DMD: variants seen among roughly 807,000 people sequenced by gnomAD.
The protein encoded by DMD is mutant dystrophin.
Under a neutral mutation model 330.1 loss-of-function variants are expected in DMD, and 63 were observed. The ratio of observed to expected loss-of-function variants is 0.19; its 90% confidence interval spans 0.16 to 0.24. The LOEUF is 0.24. Among genes scored for constraint, DMD ranks in the 10% least tolerant of loss-of-function variants. DMD has a pLI of 1.00. For synonymous variants in DMD, 1,223 were observed against 959.8 expected, an observed-to-expected ratio of 1.27 and a Z score of -5.07; for missense variants, 3,344 against 2,684.1, an observed-to-expected ratio of 1.25 and a Z score of -5.43.
chrX:32,454,051 C>T (rs1051193263), intron 26 of DMD, among the ~76,000 whole-genome samples: 3 of 110,230 alleles, frequency 2.7e-5, no homozygotes, highest in Admixed American at 9.6e-5. Context: ...TATATTGTTG[C>T]CCAAGGCCAT....
intron 18 of DMD, among the ~76,000 whole-genome samples, chrX:32,504,894 T>TA (rs2044462168): frequency 9.0e-6 from 1 of 111,170 alleles, no homozygotes; most frequent in South Asian, 3.8e-4. Context: ...GTTGAAATTA[T>TA]AAAAAATAAA....
chrX:32,468,037 T>C (rs1262346803), intron 23 of DMD, among the ~76,000 whole-genome samples: 1 of 110,194 alleles, frequency 9.1e-6, no homozygotes, highest in Non-Finnish European at 1.9e-5. Flanking sequence ...TCCTACTTTT[T>C]ATAAGTAGCA....
intron 27 of DMD, among the ~76,000 whole-genome samples, chrX:32,447,212 GT>G (rs1314828981): frequency 9.1e-6 from 1 of 109,356 alleles, no homozygotes; most frequent in Middle Eastern, 4.3e-3. Context: ...ATTAATTGTG[GT>G]TTTCTTGAGA....
At chrX:31,287,183 A>T (rs2053281729) in intron 62 of DMD, among the ~76,000 whole-genome samples, 1 of 112,496 alleles carries the variant, frequency 8.9e-6, no homozygotes, top group South Asian at 3.7e-4. Context: ...TATGCCTGCT[A>T]TGTATAAGTG....
intron 60 of DMD, among the ~76,000 whole-genome samples, chrX:31,353,708 C>T (rs2058535934): frequency 9.0e-6 from 1 of 111,420 alleles, no homozygotes; most frequent in Admixed American, 9.5e-5. Context: ...AACAGTGAAA[C>T]ATTTAACTGG....
At position 31,359,245 on chromosome X, in the gene DMD, A is replaced by G. The variant is rs186141875; in HGVS notation, c.9085-10611T>C. Among the ~76,000 whole-genome samples the G allele has an allele frequency of 5.6e-3, 629 of 112,533 alleles. 5 individuals carry two copies. Among genetic ancestry groups the G allele is most frequent in the African/African-American group, 0.019 (583 of 31,055 alleles). ...TCATTCCCCAATTTGACAGTGTATCACAACTATTTGAGAACTTTTCAAAAA... is the reference window on the plus strand; with the variant it reads ...TCATTCCCCAATTTGACAGTGTATCGCAACTATTTGAGAACTTTTCAAAAA... On this transcript the variant is annotated intron_variant, in intron 60 of 78. Coordinates refer to ENST00000357033, the MANE Select transcript of DMD (RefSeq NM_004006.3).
chrX:33,001,785 G>A (rs1298694132), intron 2 of DMD, among the ~76,000 whole-genome samples: 1 of 111,615 alleles, frequency 9.0e-6, no homozygotes, highest in Non-Finnish European at 1.9e-5. Context: ...GACAGTTTCA[G>A]TACTTCTGAC....
At chrX:31,961,755 T>TTTTTTTTTTG (rs1557033670) in intron 45 of DMD, among the ~76,000 whole-genome samples, 6 of 87,462 alleles carry the variant, frequency 6.9e-5, no homozygotes, top group South Asian at 4.5e-4. Flanking sequence ...TTTTTTTTTT[T>TTTTTTTTTTG]GTCTTGTTTT....
At chrX:32,393,658 A>C (rs2098019849) in intron 30 of DMD, among the ~76,000 whole-genome samples, 1 of 111,327 alleles carries the variant, frequency 9.0e-6, no homozygotes, top group Admixed American at 9.6e-5. Flanking sequence ...CAGTGTTTTC[A>C]AGCGTTAGAG....
chrX:32,277,993 A>G (rs1361083846), intron 43 of DMD, among the ~76,000 whole-genome samples: 2 of 111,683 alleles, frequency 1.8e-5, no homozygotes, highest in Non-Finnish European at 3.8e-5. Context: ...TGTAATAAAG[A>G]AAACATACAA....
chrX:32,307,067 G>A (rs762957373), intron 42 of DMD, among the ~76,000 whole-genome samples: 5 of 111,086 alleles, frequency 4.5e-5, no homozygotes, highest in African/African-American at 9.8e-5. Flanking sequence ...ATTTCTCTAC[G>A]TAAATGCTAA....
At chrX:32,928,074 T>C (rs762847062) in intron 2 of DMD, among the ~76,000 whole-genome samples, 1 of 111,175 alleles carries the variant, frequency 9.0e-6, no homozygotes, top group Admixed American at 9.6e-5. Context: ...TTTTCTATGA[T>C]AAAAATATTA....
intron 2 of DMD, among the ~76,000 whole-genome samples, chrX:32,943,958 C>T (rs978914074): frequency 1.8e-5 from 2 of 110,824 alleles, no homozygotes; most frequent in African/African-American, 6.6e-5. Flanking sequence ...GCTTTTAGAG[C>T]GTCCCTCACC....
intron 34 of DMD, among the ~76,000 whole-genome samples, chrX:32,376,866 C>G (rs1410725775): frequency 9.0e-6 from 1 of 111,167 alleles, no homozygotes; most frequent in Non-Finnish European, 1.9e-5. Flanking sequence ...TCATTTTTCT[C>G]AGCTTCGTAA....
At chrX:32,971,773 A>ATG (rs1031772831) in intron 2 of DMD, among the ~76,000 whole-genome samples, 4 of 110,985 alleles carry the variant, frequency 3.6e-5, no homozygotes, top group African/African-American at 1.3e-4. Context: ...ACATATATAT[A>ATG]TATGTGTGCA....
intron 62 of DMD, among the ~76,000 whole-genome samples, chrX:31,321,683 A>T (rs1439014883): frequency 2.8e-5 from 3 of 108,929 alleles, no homozygotes. Flanking sequence ...CAGAGCCTCT[A>T]AGACTAGACT....
chrX:32,785,672 A>G (rs2075290406), intron 7 of DMD, among the ~76,000 whole-genome samples: 1 of 111,668 alleles, frequency 9.0e-6, no homozygotes, highest in South Asian at 3.7e-4. Context: ...CAATTTAAAA[A>G]TTTCTCATCT....
intron 44 of DMD, among the ~76,000 whole-genome samples, chrX:31,994,143 C>A (rs1055971353): frequency 6.3e-5 from 7 of 111,676 alleles, no homozygotes; most frequent in African/African-American, 2.3e-4. Context: ...GCGTGGGAAA[C>A]CTGGCACCTT....
chrX:32,540,839 A>G (rs2048419126), intron 17 of DMD, among the ~76,000 whole-genome samples: 1 of 111,979 alleles, frequency 8.9e-6, no homozygotes, highest in Non-Finnish European at 1.9e-5. Flanking sequence ...TTAGTGGAGA[A>G]TGAGAATAAT....
Sources: gnomAD v4.1 joint callset for allele counts (sites outside exome capture counted in the v4.1 genomes callset) on GRCh38, gnomAD v4.1.1 for gene constraint, MANE v1.5 for transcripts, NCBI Gene and HGNC (gene_info 2026-07-23, HGNC 2026-07-21) for gene names.